The following STARD6 variants were observed in gnomAD, a reference collection of about 807,000 sequenced individuals.
STARD6 encodes the protein stAR-related lipid transfer protein 6.
STARD6 carries 21 observed loss-of-function variants against 22.3 expected under a neutral mutation model. The ratio of observed to expected loss-of-function variants is 0.94; its 90% confidence interval spans 0.67 to 1.35. The LOEUF (loss-of-function observed/expected upper bound fraction) is 1.35, where lower values mean the gene tolerates loss of function less well. STARD6 is among the 40% of genes most tolerant of loss of function. STARD6 has a pLI of 0.00. For synonymous variants in STARD6, 80 were observed against 88.1 expected (o/e 0.91, Z 0.52); for missense variants, 269 against 266.9 (o/e 1.01, Z -0.05).
At chr18:54,342,452 CCT>C (rs1450854575) in intron 4 of STARD6, among the ~76,000 whole-genome samples, 1 of 129,240 alleles carries the variant, frequency 7.7e-6, no homozygotes, top group Admixed American at 7.3e-5. Context: ...TCTCCCTCTC[CCT>C]CTCCCTCTCC....
intron 4 of STARD6, among the ~76,000 whole-genome samples, chr18:54,346,524 G>A (rs2089037810): frequency 6.6e-6 from 1 of 152,020 alleles, no homozygotes; most frequent in East Asian, 1.9e-4. Context: ...ATTAAACATA[G>A]AATTGCCATA....
In STARD6 at chr18:54,357,364, T is replaced by C. The variant is rs140360654; in HGVS notation, c.-89+428A>G. On this transcript the variant is annotated intron_variant, in intron 1 of 7. Transcript: ENST00000307844. Reference sequence around the variant, plus strand: ...CTTCCTAGGAGTTTGTTAAATCCCATCCCTGGCTAAACTCGGGTCTCCAAT... The same window carrying C: ...CTTCCTAGGAGTTTGTTAAATCCCACCCCTGGCTAAACTCGGGTCTCCAAT... 4.2e-3 allele frequency among the ~76,000 whole-genome samples: 636 copies of C among 152,230 alleles called. 2 individuals carry two copies. The highest frequency in any genetic ancestry group is 7.7e-3 in the Non-Finnish European group (526 of 68,012).
At chr18:54,328,291 C>A (rs1568165775) in intron 7 of STARD6, among the ~76,000 whole-genome samples, 1 of 152,150 alleles carries the variant, frequency 6.6e-6, no homozygotes, top group African/African-American at 2.4e-5. Context: ...CTGGAGTGCA[C>A]TTCTACATTG....
chr18:54,324,639 A>G lies in STARD6; in HGVS notation c.*53T>C. 6.4e-7 allele frequency: 1 copy of G among 1,564,140 alleles called. No homozygotes were observed. Among genetic ancestry groups the G allele is most frequent in the Non-Finnish European group, 8.8e-7 (1 of 1,141,610 alleles). On this transcript the variant is annotated 3_prime_UTR_variant, in exon 8 of 8. Coordinates refer to ENST00000307844, the MANE Select transcript of STARD6 (RefSeq NM_139171.2). ...TGCGTTGACTTAGAAGTAAACAGCA[A>G]TAACTACTACACATGATTTTATAGC...
Position 54,324,574 on chromosome 18 carries a change from C to G in STARD6, c.*118G>C, listed in dbSNP as rs1474232066. The G allele has an allele frequency of 1.1e-6, 1 of 932,306 alleles. No homozygotes were observed. Among genetic ancestry groups the G allele is most frequent in the East Asian group, 2.9e-5 (1 of 34,894 alleles). 57.8% of individuals were successfully genotyped at this position (932,306 alleles called of 1,614,324 possible). Reference sequence around the variant, plus strand: ...TATGAACTATCTTCAGCCATGTGTACAAGAATACTGTCTAGAATAGTTTAA... The same window carrying G: ...TATGAACTATCTTCAGCCATGTGTAGAAGAATACTGTCTAGAATAGTTTAA... On this transcript the variant is annotated 3_prime_UTR_variant, in exon 8 of 8. Coordinates refer to ENST00000307844, the MANE Select transcript of STARD6 (RefSeq NM_139171.2).
chr18:54,327,773 C>T (rs137989792), intron 7 of STARD6, among the ~76,000 whole-genome samples: 86 of 151,884 alleles, frequency 5.7e-4, no homozygotes, highest in African/African-American at 2.0e-3. Context: ...ATAGTGTGAG[C>T]GTCCATTTTC....
At chr18:54,343,674 G>A (rs1453440538) in intron 4 of STARD6, among the ~76,000 whole-genome samples, 4 of 41,474 alleles carry the variant, frequency 9.6e-5, no homozygotes, top group African/African-American at 1.5e-4. Flanking sequence ...AGGGAGGTGG[G>A]GGGGTCGGCC....
chr18:54,338,499 T>C (rs2088937411), intron 4 of STARD6, among the ~76,000 whole-genome samples: 1 of 151,754 alleles, frequency 6.6e-6, no homozygotes, highest in African/African-American at 2.4e-5. Flanking sequence ...TCGGGGGAAA[T>C]AGACTTCACA....
At chr18:54,325,544 T>C (rs1391087335) in intron 7 of STARD6, among the ~76,000 whole-genome samples, 4 of 151,936 alleles carry the variant, frequency 2.6e-5, no homozygotes, top group Non-Finnish European at 5.9e-5. Flanking sequence ...TTGTAATGTA[T>C]CCATTTATGC....
intron 7 of STARD6, among the ~76,000 whole-genome samples, chr18:54,326,955 G>A (rs545912522): frequency 8.5e-5 from 13 of 152,180 alleles, no homozygotes; most frequent in African/African-American, 2.4e-4. Flanking sequence ...GGTTAAAAGC[G>A]TGGACTCAGG....
intron 5 of STARD6, among the ~76,000 whole-genome samples, chr18:54,333,072 T>C (rs2088877723): frequency 6.6e-6 from 1 of 152,220 alleles, no homozygotes; most frequent in Admixed American, 6.5e-5. Context: ...GAATAAGTCA[T>C]ATAATCTCTC....
rs547237932 is a variant in STARD6, at chr18:54,340,408, G to A, written c.141-3157C>T. Among the ~76,000 whole-genome samples, 516 of 152,114 alleles carry A rather than the reference G, an allele frequency of 3.4e-3. 4 individuals carry two copies. Among genetic ancestry groups the A allele is most frequent in the Non-Finnish European group, 5.4e-3 (367 of 67,960 alleles). On this transcript the variant is annotated intron_variant, in intron 4 of 7. Transcript: ENST00000307844. ...ATCACTAAGAAAATAACCAAAAAAT[G>A]TAGTTCAAAAAATTATTAAAGGAAT...
intron 4 of STARD6, among the ~76,000 whole-genome samples, chr18:54,349,881 C>T (rs1599310097): frequency 1.3e-5 from 2 of 152,102 alleles, no homozygotes; most frequent in Admixed American, 1.3e-4. Context: ...ATATATACCA[C>T]ATTTTCTTTA....
intron 2 of STARD6, chr18:54,355,877 G>A (rs1204119191): frequency 6.6e-6 from 1 of 152,092 alleles, no homozygotes; most frequent in Non-Finnish European, 1.5e-5. Context: ...AAACAGAACT[G>A]GATTCAAATC....
chr18:54,325,351 G>C (rs1243279760), intron 7 of STARD6, among the ~76,000 whole-genome samples: 3 of 151,936 alleles, frequency 2.0e-5, no homozygotes, highest in Non-Finnish European at 2.9e-5. Flanking sequence ...TCTGCAACTA[G>C]TTTTATTTTT....
intron 4 of STARD6, among the ~76,000 whole-genome samples, chr18:54,339,555 G>A (rs1302577020): frequency 4.6e-5 from 7 of 150,894 alleles, no homozygotes; most frequent in Non-Finnish European, 1.0e-4. Context: ...AACAATGGAG[G>A]CCAGAAGGAA....
Position 54,354,534 on chromosome 18 carries a change from C to T in STARD6, c.40G>A (p.Val14Ile). 6.2e-7 allele frequency: 1 copy of T among 1,613,174 alleles called. No homozygotes were observed. The highest frequency in any genetic ancestry group is 8.5e-7 in the Non-Finnish European group (1 of 1,179,578). ...KAIAQQTAQE[V>I]LGYNRDTSGW... ...GATGTATCTCGATTATAACCTAAAA[C>T]TTCTTGGGCAGTTTGTTGGGCAATT... is the stretch of plus-strand genomic sequence containing the variant. The change falls in exon 3 of 8, where the codon GTT becomes ATT. Residue 14 changes from valine (V) to isoleucine (I), a missense_variant. By Grantham distance (29) the Val-to-Ile change is conservative (BLOSUM62 3). Transcript: ENST00000307844.
rs188355779 is a variant in STARD6, at chr18:54,357,827, A to C, written c.-124T>G. 1 of 132,736 alleles carries C rather than the reference A, an allele frequency of 7.5e-6. No homozygotes were observed. The highest frequency in any genetic ancestry group is 2.9e-5 in the African/African-American group (1 of 34,500). The allele number at this position is 132,736 out of a possible 1,614,324, so 8.2% of individuals were successfully genotyped here. On this transcript the variant is annotated 5_prime_UTR_variant, in exon 1 of 8. An upstream start codon of the reference 5' UTR is lost. Transcript: ENST00000307844. ...GGGTCGCGACCTAACGCTCAACAGC[A>C]TCCTCTCTTCTCCGGCCGCTCCCTC...
intron 4 of STARD6, among the ~76,000 whole-genome samples, chr18:54,338,854 C>T (rs369246942): frequency 2.0e-5 from 3 of 151,834 alleles, no homozygotes; most frequent in Middle Eastern, 3.4e-3. Context: ...TCGAGACCAA[C>T]TTGGCCAACA....
Sources: allele counts gnomAD v4.1 joint callset (sites outside exome capture counted in the v4.1 genomes callset), GRCh38; gene constraint gnomAD v4.1.1; transcripts MANE v1.5; gene names NCBI Gene and HGNC (gene_info 2026-07-23, HGNC 2026-07-21).